EML2: variants seen among roughly 807,000 people sequenced by gnomAD.
The protein encoded by EML2 is EMAP like 2.
In EML2, 59 loss-of-function variants were observed where a neutral mutation model predicts 84.7. That is an observed-to-expected ratio of 0.70 (90% CI 0.56 to 0.86). The LOEUF (loss-of-function observed/expected upper bound fraction) is 0.86. Among genes scored for constraint, EML2 ranks in the 40% least tolerant of loss-of-function variants. The probability of loss-of-function intolerance (pLI) is 0.00; values close to 1 mark genes in which losing one functional copy is unlikely to be tolerated. For synonymous variants in EML2, 352 were observed against 348.9 expected (o/e 1.01, Z -0.10); for missense variants, 818 against 855.6 (o/e 0.96, Z 0.55).
chr19:45,626,480 C>A (rs1972342708), intron 8 of EML2, among the ~76,000 whole-genome samples: 2 of 145,526 alleles, frequency 1.4e-5, no homozygotes, highest in South Asian at 4.4e-4. Flanking sequence ...GCCATGAGCT[C>A]AGGTGATCCT....
chr19:45,627,560 C>T (rs1229223267), intron 7 of EML2, among the ~76,000 whole-genome samples: 1 of 152,100 alleles, frequency 6.6e-6, no homozygotes, highest in African/African-American at 2.4e-5. Flanking sequence ...TGGCCAGTAC[C>T]TTTCCTATAC....
At position 45,633,631 on chromosome 19, in the gene EML2, C is replaced by T. The variant is rs534723391; in HGVS notation, c.330-492G>A. On this transcript the variant is annotated intron_variant, in intron 4 of 18. Coordinates refer to ENST00000245925, the MANE Select transcript of EML2 (RefSeq NM_012155.4). The stretch of plus-strand genomic sequence containing the variant: ...GCGGGCACCTGTAGTTCCAGCTACT[C>T]GGGAGACTGAGGCAGGAGAATCGCT... Among the ~76,000 whole-genome samples, 164 of 151,990 alleles carry T rather than the reference C, an allele frequency of 1.1e-3. 2 individuals carry two copies. Among genetic ancestry groups the T allele is most frequent in the African/African-American group, 3.6e-3 (150 of 41,466 alleles).
intron 11 of EML2, 93 bp downstream of exon 11, chr19:45,621,114 G>T: frequency 6.6e-7 from 1 of 1,517,774 alleles, no homozygotes; most frequent in Non-Finnish European, 8.9e-7. Flanking sequence ...GGGAGGTGAG[G>T]AGAACTGGGA....
At chr19:45,616,378 C>T (rs376382973) in intron 15 of EML2, 83 bp downstream of exon 15, 38 of 1,034,294 alleles carry the variant, frequency 3.7e-5, no homozygotes, top group South Asian at 3.6e-4. Flanking sequence ...GTTGAAGCTG[C>T]GCTCCCTTGA....
At chr19:45,610,837 C>CA (rs1568426018) in intron 18 of EML2, among the ~76,000 whole-genome samples, 1 of 151,692 alleles carries the variant, frequency 6.6e-6, no homozygotes. Flanking sequence ...GAGACTCTGT[C>CA]AAAAAAACAA....
chr19:45,617,541 G>T (rs1971234418), intron 13 of EML2, 89 bp downstream of exon 13: 6 of 1,214,782 alleles, frequency 4.9e-6, no homozygotes, highest in Non-Finnish European at 7.0e-6. Context: ...TCGGTAAATA[G>T]TGGGATTTGG....
intron 11 of EML2, 40 bp from the exon 12 acceptor site, chr19:45,619,231 C>G (rs1217580546): frequency 6.3e-7 from 1 of 1,582,278 alleles, no homozygotes; most frequent in Non-Finnish European, 8.6e-7. Context: ...GACAGCAGCC[C>G]TGGCCTTTTC....
At chr19:45,637,676 T>TC (rs1295057306) in intron 3 of EML2, among the ~76,000 whole-genome samples, 2 of 111,070 alleles carry the variant, frequency 1.8e-5, no homozygotes, top group Non-Finnish European at 4.0e-5. Flanking sequence ...TCTTTTTTTT[T>TC]TTTTTTTTTT....
At chr19:45,641,573 C>A, upstream of EML2, 1 of 1,464,006 alleles carries the variant, frequency 6.8e-7, no homozygotes, top group Non-Finnish European at 9.2e-7. Flanking sequence ...TGGCCTGGGG[C>A]ATGACTACAT....
intron 7 of EML2, among the ~76,000 whole-genome samples, chr19:45,629,086 C>G (rs867294243): frequency 4.6e-5 from 7 of 152,052 alleles, no homozygotes; most frequent in African/African-American, 1.4e-4. Flanking sequence ...CATATCCTCA[C>G]CAAGGCCCTA....
At chr19:45,632,744 G>A (rs1278609632) in intron 6 of EML2, 117 bp downstream of exon 6, 11 of 844,894 alleles carry the variant, frequency 1.3e-5, no homozygotes, top group Non-Finnish European at 2.1e-5. Flanking sequence ...TCACAGAGGC[G>A]GGCCACGCCT....
At chr19:45,642,140 C>A (rs1468802485), upstream of EML2, 1 of 1,505,648 alleles carries the variant, frequency 6.6e-7, no homozygotes, top group South Asian at 1.3e-5. Context: ...ATACCCGAGG[C>A]AGTGGTGCCT....
rs377057265 is a variant in EML2 at position 45,634,029 on chromosome 19, G to C, written c.329+293C>G. 6.6e-4 allele frequency among the ~76,000 whole-genome samples: 100 copies of C among 152,126 alleles called. 1 individual carries two copies. The South Asian group carries it at 0.02, about 30-fold the overall frequency. On this transcript the variant is annotated intron_variant, in intron 4 of 18. Transcript: ENST00000245925. The stretch of plus-strand genomic sequence containing the variant: ...GTGGTGGCTCAGTCACTGCAGCCTC[G>C]ACCTCCTGGGTTCAAGTGATCCTCT...
At chr19:45,630,179 C>T (rs1395694113) in intron 6 of EML2, 133 bp from the exon 7 acceptor site, 8 of 650,394 alleles carry the variant, frequency 1.2e-5, no homozygotes, top group South Asian at 6.6e-5. Flanking sequence ...GTGGGAGGAT[C>T]GCTTGAGTCC....
intron 9 of EML2, among the ~76,000 whole-genome samples, chr19:45,624,446 T>A (rs1972067676): frequency 6.6e-6 from 1 of 152,032 alleles, no homozygotes; most frequent in Non-Finnish European, 1.5e-5. Context: ...CATCCACCCA[T>A]CCATCCATTC....
chr19:45,632,707 G>C lies in EML2; in HGVS notation c.510+154C>G, dbSNP rs1324136691. The C allele has an allele frequency of 7.7e-6, 5 of 647,312 alleles. No individual in the cohort carries two copies. In the African/African-American group the frequency reaches 9.1e-5, roughly 12 times the overall value. 40.1% of individuals were successfully genotyped at this position (647,312 alleles called of 1,614,324 possible). A position where few individuals can be genotyped will look rare whatever the true frequency, so the allele number is the denominator to read the frequency against. On this transcript the variant is annotated intron_variant, in intron 6 of 18. Transcript: ENST00000245925. ...GGCACGGTGACTCACCCGCCCCTTG[G>C]GGTGAGGACACGCCCTCATTGTGAC... is the stretch of plus-strand genomic sequence containing the variant.
Position 45,616,506 on chromosome 19 carries a change from C to G in EML2, c.1464G>C (p.Thr488=), listed in dbSNP as rs902110528. Residue 488 remains threonine (T), a synonymous_variant, in exon 15 of 19, where the codon ACG becomes ACC. Coordinates refer to ENST00000245925, the MANE Select transcript of EML2 (RefSeq NM_012155.4). ...TGACCTTGCGGCCGCCCTGGTCCAC[C>G]GTGTACACGTACACCAAGTTGTCGT... ...GSHDNLVYVY[T]VDQGGRKVSR... is the part of the protein sequence containing the mutation. 1 of 1,607,126 alleles carries G rather than the reference C, an allele frequency of 6.2e-7. No individual in the cohort carries two copies. The highest frequency in any genetic ancestry group is 1.3e-5 in the African/African-American group (1 of 74,772).
intron 9 of EML2, among the ~76,000 whole-genome samples, chr19:45,621,992 C>T (rs141759814): frequency 0.12 from 18,073 of 152,024 alleles, 1,210 homozygotes; most frequent in East Asian, 0.23. Flanking sequence ...ATCCACCCGC[C>T]TTGGCCTCCC....
intron 11 of EML2, 73 bp downstream of exon 11, chr19:45,621,134 G>A (rs1355380665): frequency 1.3e-6 from 2 of 1,561,720 alleles, no homozygotes; most frequent in African/African-American, 1.4e-5. Flanking sequence ...AGTGGGGAGG[G>A]GGAGTGGATG....
Sources: gnomAD v4.1 joint callset for allele counts (sites outside exome capture counted in the v4.1 genomes callset) on GRCh38, gnomAD v4.1.1 for gene constraint, MANE v1.5 for transcripts, NCBI Gene and HGNC (gene_info 2026-07-23, HGNC 2026-07-21) for gene names.